KHDRBS3: variants seen among roughly 807,000 people sequenced by gnomAD.
KHDRBS3 encodes the protein KH RNA binding domain containing, signal transduction associated 3, also known as KH domain-containing, RNA-binding, signal transduction-associated protein 3.
Under a neutral mutation model 45.6 loss-of-function variants are expected in KHDRBS3, and 23 were observed. The ratio of observed to expected loss-of-function variants is 0.50; its 90% CI spans 0.36 to 0.72. The LOEUF is 0.72. KHDRBS3 is among the 30% of genes least tolerant of loss of function. The pLI, the probability that KHDRBS3 is intolerant of heterozygous loss-of-function variation, is 0.00. For missense variants in KHDRBS3, 352 were observed against 424.8 expected, an observed-to-expected ratio of 0.83 and a Z score of 1.51; for synonymous variants, 162 against 156.5, an observed-to-expected ratio of 1.04 and a Z score of -0.26.
At position 135,523,217 on chromosome 8, in the gene KHDRBS3, T is replaced by C. The variant is rs149021519; in HGVS notation, c.207+1862T>C. ...ACAAAACCATCTGCTGGGATTAGAATTGCAATCGCATTGCATCTGTTGAGC... is the reference window on the plus strand; with the variant it reads ...ACAAAACCATCTGCTGGGATTAGAACTGCAATCGCATTGCATCTGTTGAGC... On this transcript the variant is annotated intron_variant, in intron 2 of 8. Coordinates refer to ENST00000355849, the MANE Select transcript of KHDRBS3 (RefSeq NM_006558.3). Among the ~76,000 whole-genome samples the C allele has an allele frequency of 5.9e-3, 894 of 152,312 alleles. 4 individuals carry two copies. Among genetic ancestry groups the C allele is most frequent in the African/African-American group, 0.02 (839 of 41,566 alleles).
At chr8:135,647,642 T>G (rs1226036144), downstream of KHDRBS3, 7 of 151,610 alleles carry the variant, frequency 4.6e-5, no homozygotes, top group Non-Finnish European at 8.8e-5. Flanking sequence ...ATTTCATGGG[T>G]TTTTTTTTAT....
intron 1 of KHDRBS3, among the ~76,000 whole-genome samples, chr8:135,509,317 A>G (rs1253242525): frequency 2.0e-5 from 3 of 152,198 alleles, no homozygotes; most frequent in African/African-American, 4.8e-5. Context: ...GAGTCGGACA[A>G]TGCTGGAACC....
intron 7 of KHDRBS3, among the ~76,000 whole-genome samples, chr8:135,642,874 C>T (rs542799381): frequency 1.3e-5 from 2 of 151,462 alleles, no homozygotes; most frequent in South Asian, 2.1e-4. Context: ...CTCACTGCAA[C>T]GTCCGCCTCC....
chr8:135,649,181 A>G (rs1195800845), downstream of KHDRBS3, among the ~76,000 whole-genome samples: 2 of 152,092 alleles, frequency 1.3e-5, no homozygotes, highest in African/African-American at 4.8e-5. Context: ...CTCTTTTTAC[A>G]TTTTCTTGAT....
At chr8:135,543,965 T>A (rs1252578357) in intron 3 of KHDRBS3, among the ~76,000 whole-genome samples, 1 of 152,180 alleles carries the variant, frequency 6.6e-6, no homozygotes, top group Non-Finnish European at 1.5e-5. Context: ...GTGCATGGCC[T>A]GGTTTTTTTA....
chr8:135,469,397 GC>G (rs1821865954), intron 1 of KHDRBS3, among the ~76,000 whole-genome samples: 1 of 151,746 alleles, frequency 6.6e-6, no homozygotes, highest in African/African-American at 2.4e-5. Flanking sequence ...CCATTCTCCT[GC>G]CTCCTCAGCC....
intron 5 of KHDRBS3, among the ~76,000 whole-genome samples, chr8:135,566,217 G>A (rs191393940): frequency 2.0e-5 from 3 of 152,280 alleles, no homozygotes. Flanking sequence ...CGATTGAGTT[G>A]TTGCTCTCCT....
intron 2 of KHDRBS3, chr8:135,542,424 T>A: frequency 2.2e-6 from 1 of 445,094 alleles, no homozygotes. Context: ...TTGTGGAATA[T>A]AGCCATCACT....
At chr8:135,507,175 A>T (rs1240961345) in intron 1 of KHDRBS3, among the ~76,000 whole-genome samples, 1 of 152,148 alleles carries the variant, frequency 6.6e-6, no homozygotes, top group Admixed American at 6.5e-5. Context: ...GCTTTTCTAG[A>T]TTCCTGGCCC....
At chr8:135,486,391 G>A (rs189180394) in intron 1 of KHDRBS3, among the ~76,000 whole-genome samples, 44 of 152,306 alleles carry the variant, frequency 2.9e-4, no homozygotes, top group African/African-American at 8.9e-4. Context: ...GTAGTAGTAC[G>A]TTTTGCCCTA....
intron 2 of KHDRBS3, chr8:135,540,529 A>C (rs144482239): frequency 2.0e-5 from 3 of 152,374 alleles, no homozygotes; most frequent in African/African-American, 7.2e-5. Context: ...TGAATTGGAC[A>C]ACTGTGAGGC....
At chr8:135,494,960 A>G (rs1414266357) in intron 1 of KHDRBS3, among the ~76,000 whole-genome samples, 1 of 152,324 alleles carries the variant, frequency 6.6e-6, no homozygotes, top group Admixed American at 6.5e-5. Flanking sequence ...TAATGCAAGC[A>G]GAGTTTGTTG....
At position 135,647,167 on chromosome 8, in the gene KHDRBS3, C is replaced by A; in HGVS notation, c.*83C>A. The A allele has an allele frequency of 4.0e-6, 2 of 501,320 alleles. No homozygotes were observed. The highest frequency in any genetic ancestry group is 7.1e-6 in the Non-Finnish European group (2 of 283,144). The allele number at this position is 501,320 out of a possible 1,614,324, so 31.1% of individuals were successfully genotyped here. On this transcript the variant is annotated 3_prime_UTR_variant, in exon 9 of 9. Transcript: ENST00000355849. ...AGTAATTTTTTTCTATGAACAATCCCTTTTTAAATAAATCAGAATGCTTAA... is the reference window on the plus strand; with the variant it reads ...AGTAATTTTTTTCTATGAACAATCCATTTTTAAATAAATCAGAATGCTTAA...
At chr8:135,635,694 A>G (rs1181831480) in intron 7 of KHDRBS3, among the ~76,000 whole-genome samples, 3 of 152,152 alleles carry the variant, frequency 2.0e-5, no homozygotes, top group Non-Finnish European at 4.4e-5. Flanking sequence ...GGCAGGTAGT[A>G]GTTTCTTAAA....
intron 4 of KHDRBS3, among the ~76,000 whole-genome samples, chr8:135,655,000 T>C (rs1204300340): frequency 6.6e-6 from 1 of 152,210 alleles, no homozygotes; most frequent in African/African-American, 2.4e-5. Context: ...GACCTGCCGG[T>C]TGATGGGATG....
intron 7 of KHDRBS3, among the ~76,000 whole-genome samples, chr8:135,622,649 A>G (rs1830196086): frequency 6.6e-6 from 1 of 152,360 alleles, no homozygotes; most frequent in African/African-American, 2.4e-5. Context: ...ATATGTTAGT[A>G]TACCAGATGG....
chr8:135,496,154 AG>A (rs1286268041), intron 1 of KHDRBS3, among the ~76,000 whole-genome samples: 1 of 136,682 alleles, frequency 7.3e-6, no homozygotes, highest in East Asian at 2.2e-4. Context: ...AAGCAGAAGT[AG>A]GAAGGAAAAC....
In KHDRBS3 at chr8:135,548,783, G is replaced by T; in HGVS notation, c.354G>T (p.Ala118=). 1 of 1,556,136 alleles carries T rather than the reference G, an allele frequency of 6.4e-7. No homozygotes were observed. Among genetic ancestry groups the T allele is most frequent in the South Asian group, 1.3e-5 (1 of 78,784 alleles). Reference sequence around the variant, plus strand: ...AAGAGTTGAGGAAAAGTGGAGAAGCGAAGTACTTCCATCTCAATGATGATC... The same window carrying T: ...AAGAGTTGAGGAAAAGTGGAGAAGCTAAGTACTTCCATCTCAATGATGATC... ...KEEELRKSGE[A]KYFHLNDDLH... The change falls in exon 4 of 9, where the codon GCG becomes GCT. Residue 118 remains alanine (A), a synonymous_variant. Coordinates refer to ENST00000355849, the MANE Select transcript of KHDRBS3 (RefSeq NM_006558.3).
intron 6 of KHDRBS3, among the ~76,000 whole-genome samples, chr8:135,604,680 A>G (rs1430496284): frequency 1.3e-5 from 2 of 151,860 alleles, no homozygotes; most frequent in Non-Finnish European, 2.9e-5. Flanking sequence ...TACAAATTAC[A>G]TCTTTGTACA....
Sources: allele counts gnomAD v4.1 joint callset (sites outside exome capture counted in the v4.1 genomes callset), GRCh38; gene constraint gnomAD v4.1.1; transcripts MANE v1.5; gene names NCBI Gene and HGNC (gene_info 2026-07-23, HGNC 2026-07-21).